Variants in TKFC observed in about 807,000 individuals in gnomAD.
TKFC encodes the protein triokinase/FMN cyclase.
TKFC carries 46 observed loss-of-function variants against 61.0 expected under a neutral mutation model. That is an observed-to-expected ratio of 0.75 (90% CI 0.60 to 0.96). The LOEUF (loss-of-function observed/expected upper bound fraction) is 0.96. Ranked by LOEUF, TKFC falls within the 50% of genes least tolerant of loss-of-function variation. The probability of loss-of-function intolerance (pLI) is 0.00; values close to 1 mark genes in which losing one functional copy is unlikely to be tolerated. For synonymous variants in TKFC, 314 were observed against 330.1 expected (o/e 0.95, Z 0.53); for missense variants, 715 against 777.5 (o/e 0.92, Z 0.96).
In TKFC at chr11:61,347,417, C is replaced by A. The variant is rs1014087552; in HGVS notation, c.*914C>A. The A allele has an allele frequency of 2.3e-6, 2 of 882,120 alleles. No homozygotes were observed. The highest frequency in any genetic ancestry group is 1.4e-6 in the Non-Finnish European group (1 of 736,148). 54.6% of individuals were successfully genotyped at this position (882,120 alleles called of 1,614,324 possible). On this transcript the variant is annotated 3_prime_UTR_variant, in exon 18 of 18. Transcript: ENST00000394900. ...ATTAGCCAGGCATAGTAGTGTGTGCCTATAGTCCTAACTTGGGAGGCTGAG... is the reference window on the plus strand; with the variant it reads ...ATTAGCCAGGCATAGTAGTGTGTGCATATAGTCCTAACTTGGGAGGCTGAG...
Position 61,348,204 on chromosome 11 carries a change from C to G in TKFC, c.*1701C>G, listed in dbSNP as rs1857235363. 2.0e-6 allele frequency: 2 copies of G among 985,288 alleles called. No homozygotes were observed. Among genetic ancestry groups the G allele is most frequent in the African/African-American group, 1.7e-5 (1 of 57,242 alleles). The allele number at this position is 985,288 out of a possible 1,614,324, so 61.0% of individuals were successfully genotyped here. On this transcript the variant is annotated 3_prime_UTR_variant, in exon 18 of 18. Coordinates refer to ENST00000394900, the MANE Select transcript of TKFC (RefSeq NM_015533.4). ...CATTTCCTGGCTGGGTGACCTCAAC[C>G]TAGTCACCCTTTTTGAGTCTTGTTT... is the stretch of plus-strand genomic sequence containing the variant.
chr11:61,351,083 T>C, downstream of TKFC: 1 of 1,613,956 alleles, frequency 6.2e-7, no homozygotes, highest in Non-Finnish European at 8.5e-7. Flanking sequence ...ACCACCAGCA[T>C]CCCGGTGCTG....
chr11:61,339,384 C>G lies in TKFC; in HGVS notation c.435C>G (p.Val145=), dbSNP rs1856761478. Residue 145 remains valine, a synonymous_variant, in exon 5 of 18, where the codon GTC becomes GTG. Transcript: ENST00000394900. Reference sequence around the variant, plus strand: ...TTGGGGACGACAGCGCCTTCACTGTCCTGAAGAAGGCAGGCCGGCGGGGGC... The same window carrying G: ...TTGGGGACGACAGCGCCTTCACTGTGCTGAAGAAGGCAGGCCGGCGGGGGC... ...VVIGDDSAFT[V]LKKAGRRGLC... is the part of the protein sequence containing the mutation. The G allele has an allele frequency of 1.2e-6, 2 of 1,613,372 alleles. No homozygotes were observed. Among genetic ancestry groups the G allele is most frequent in the Non-Finnish European group, 1.7e-6 (2 of 1,179,974 alleles).
At chr11:61,339,625 C>T (rs985648332) in intron 5 of TKFC, 190 bp downstream of exon 5, 8 of 648,920 alleles carry the variant, frequency 1.2e-5, no homozygotes, top group African/African-American at 9.1e-5. Context: ...TTTTCCCAGA[C>T]TCGTCCCCTT....
intron 2 of TKFC, 110 bp downstream of exon 2, chr11:61,334,841 C>G: frequency 2.7e-6 from 4 of 1,486,994 alleles, no homozygotes; most frequent in Non-Finnish European, 3.7e-6. Flanking sequence ...CTATTGCCTC[C>G]TGAGGCTCAC....
intron 2 of TKFC, chr11:61,336,337 G>A (rs918103880): frequency 1.3e-5 from 2 of 154,378 alleles, no homozygotes; most frequent in African/African-American, 4.8e-5. Context: ...GCCACAGCCG[G>A]AAGTTCACCT....
In TKFC at chr11:61,345,365, C is replaced by T. The variant is rs200399011; in HGVS notation, c.1346C>T (p.Ala449Val). Residue 449 changes from alanine to valine, a missense_variant and splice_region_variant, in exon 14 of 18, where the codon GCG becomes GTG. By Grantham distance (64) the Ala-to-Val change is moderately conservative. Transcript: ENST00000394900. ...GAGAAGATGGGAGGCTCATCTGGGG[C>T]GGTGGGTGCCTGGGGGCTGAAGGGC... The part of the protein sequence containing the change: ...LLEKMGGSSG[A>V]LYGLFLTAAA... 22 of 1,599,636 alleles carry T rather than the reference C, an allele frequency of 1.4e-5. No individual in the cohort carries two copies. Among genetic ancestry groups the T allele is most frequent in the African/African-American group, 4.0e-5 (3 of 74,878 alleles).
chr11:61,337,798 T>C (rs1856671942), intron 2 of TKFC, 143 bp from the exon 3 acceptor site: 2 of 649,772 alleles, frequency 3.1e-6, no homozygotes, highest in South Asian at 5.2e-5. Context: ...ACCTAAGATG[T>C]CGCCCAACTC....
intron 3 of TKFC, 90 bp from the exon 4 acceptor site, chr11:61,338,976 C>T: frequency 1.7e-6 from 2 of 1,160,458 alleles, no homozygotes; most frequent in Non-Finnish European, 1.2e-6. Context: ...GTAGGGCTCA[C>T]CAAACCATGA....
rs1437681823 is a variant in TKFC, at chr11:61,341,495, CGTG to C, written c.549_551del (p.Val184del). 1 of 1,555,334 alleles carries C rather than the reference CGTG, an allele frequency of 6.4e-7. No individual in the cohort carries two copies. Among genetic ancestry groups the C allele is most frequent in the Non-Finnish European group, 8.7e-7 (1 of 1,148,906 alleles). The stretch of plus-strand genomic sequence containing the variant: ...TGGAGGAGATCGCAAAGCAGGTGAA[CGTG>C]GTCGCCAAGGCCATGGGTGAGTGCT... On this transcript the variant is annotated inframe_deletion, in exon 6 of 18. Coordinates refer to ENST00000394900, the MANE Select transcript of TKFC (RefSeq NM_015533.4).
chr11:61,350,610 C>G, downstream of TKFC: 1 of 689,874 alleles, frequency 1.4e-6, no homozygotes, highest in Non-Finnish European at 2.4e-6. Context: ...AAGACCTGCT[C>G]TGAGCACTCA....
chr11:61,343,932 C>A lies in TKFC; in HGVS notation c.1059C>A (p.Ala353=). ...SITGRKRSRV[A]PAEPQEAPDS... ...CTGGGCGGAAGCGGAGCCGGGTAGC[C>A]CCTGCCGAGCCCCAGGAGGCCCCTG... is the stretch of plus-strand genomic sequence containing the variant. Residue 353 remains alanine, a synonymous_variant, in exon 12 of 18, where the codon GCC becomes GCA. Transcript: ENST00000394900. 1.2e-6 allele frequency: 2 copies of A among 1,611,476 alleles called. No homozygotes were observed. Among genetic ancestry groups the A allele is most frequent in the Non-Finnish European group, 1.7e-6 (2 of 1,179,990 alleles).
intron 1 of TKFC, chr11:61,333,586 G>C (rs1856471940): frequency 6.6e-6 from 1 of 152,424 alleles, no homozygotes; most frequent in African/African-American, 2.4e-5. Flanking sequence ...CCTGACGTTT[G>C]AACGACCACC....
chr11:61,353,360 G>A (rs1272638358), downstream of TKFC: 2 of 640,884 alleles, frequency 3.1e-6, no homozygotes. Flanking sequence ...CCCACTCCCA[G>A]CAAACCCAAC....
At position 61,348,498 on chromosome 11, in the gene TKFC, GT is replaced by G; in HGVS notation, c.*1998del. The G allele has an allele frequency of 2.0e-6, 2 of 985,444 alleles. No individual in the cohort carries two copies. Among genetic ancestry groups the G allele is most frequent in the Non-Finnish European group, 2.4e-6 (2 of 829,924 alleles). The allele number at this position is 985,444 out of a possible 1,614,324, so 61.0% of individuals were successfully genotyped here. On this transcript the variant is annotated 3_prime_UTR_variant, in exon 18 of 18. Transcript: ENST00000394900. ...AGAGGGCTGTTATTAGAGACTGAATGTTTGTGTCCCCCCCAAATTCCTGTGT... is the reference window on the plus strand; with the variant it reads ...AGAGGGCTGTTATTAGAGACTGAATGTTGTGTCCCCCCCAAATTCCTGTGT...
At chr11:61,352,795 C>G (rs1277156224), downstream of TKFC, 11 of 1,437,706 alleles carry the variant, frequency 7.7e-6, no homozygotes, top group Admixed American at 2.8e-5. Flanking sequence ...CAAACTGATG[C>G]TCAATAAATA....
intron 3 of TKFC, 41 bp downstream of exon 3, chr11:61,338,171 G>T (rs749466624): frequency 5.8e-5 from 87 of 1,504,806 alleles, no homozygotes; most frequent in Non-Finnish European, 7.4e-5. Context: ...TAGTGGAGTG[G>T]ACAGGGCCTC....
At chr11:61,350,741 C>A, downstream of TKFC, 3 of 603,136 alleles carry the variant, frequency 5.0e-6, no homozygotes, top group Middle Eastern at 8.9e-4. Flanking sequence ...CTTCACCCCA[C>A]AGAACCACAG....
chr11:61,339,683 C>T (rs1397125758), intron 5 of TKFC, among the ~76,000 whole-genome samples: 1 of 152,164 alleles, frequency 6.6e-6, no homozygotes, highest in African/African-American at 2.4e-5. Context: ...CTTCTCCTCC[C>T]AAATGTACAA....
Sources: allele counts gnomAD v4.1 joint callset (sites outside exome capture counted in the v4.1 genomes callset), GRCh38; gene constraint gnomAD v4.1.1; transcripts MANE v1.5; gene names NCBI Gene and HGNC (gene_info 2026-07-23, HGNC 2026-07-21).